The following FOXM1 variants were observed in gnomAD, a reference collection of about 807,000 sequenced individuals.
FOXM1 encodes forkhead box M1.
Under a neutral mutation model 63.6 loss-of-function variants are expected in FOXM1, and 25 were observed. That is an observed-to-expected ratio of 0.39 (90% CI 0.29 to 0.55). The LOEUF (loss-of-function observed/expected upper bound fraction) is 0.55, where lower values mean the gene tolerates loss of function less well. FOXM1 is among the 20% of genes least tolerant of loss of function. The pLI, the probability that FOXM1 is intolerant of heterozygous loss-of-function variation, is 0.60. For synonymous variants in FOXM1, 387 were observed against 376.9 expected, an observed-to-expected ratio of 1.03 and a Z score of -0.31; for missense variants, 879 against 958.7, an observed-to-expected ratio of 0.92 and a Z score of 1.10.
chr12:2,864,296 T>C lies in FOXM1; in HGVS notation c.1266+24A>G. On this transcript the variant is annotated intron_variant, in intron 8 of 8. Transcript: ENST00000359843. The surrounding 1 kb of genome is among the most constrained non-coding windows in gnomAD (Gnocchi z 5.1). ...CATTCTTAATTGGCCAGAATCTCTC[T>C]TCAGAGGAAAATAGGACACCCACCT... The C allele has an allele frequency of 6.3e-7, 1 of 1,593,112 alleles. No individual in the cohort carries two copies. Among genetic ancestry groups the C allele is most frequent in the South Asian group, 1.1e-5 (1 of 89,536 alleles).
At chr12:2,865,644 T>TA (rs1565470221) in intron 5 of FOXM1, among the ~76,000 whole-genome samples, 3 of 976 alleles carry the variant, frequency 3.1e-3, no homozygotes, top group African/African-American at 0.015. Context: ...TAAGGCAGGC[T>TA]TTTTTTTTTT....
chr12:2,865,621 C>T (rs2098121726), intron 5 of FOXM1, among the ~76,000 whole-genome samples: 1 of 140,028 alleles, frequency 7.1e-6, no homozygotes, highest in African/African-American at 2.6e-5. Flanking sequence ...AGCTCAGCTT[C>T]TGGTCTCCAG....
chr12:2,868,823 A>C, intron 3 of FOXM1, 69 bp from the exon 4 acceptor site: 1 of 1,254,784 alleles, frequency 8.0e-7, no homozygotes, highest in South Asian at 1.4e-5. Context: ...AAGCCCTTGA[A>C]GAACATCTAG....
chr12:2,872,119 G>C lies in FOXM1; in HGVS notation c.631C>G (p.His211Asp), dbSNP rs779000560. Residue 211 changes from histidine to aspartate, a missense_variant, in exon 3 of 9, where the codon CAC becomes GAC. Physicochemically the swap from His to Asp is moderately conservative, Grantham distance 81 (BLOSUM62 -1). Coordinates refer to ENST00000359843, the MANE Select transcript of FOXM1 (RefSeq NM_021953.4). This position sits in a 1 kb window ranked among gnomAD's most constrained non-coding sequence, Gnocchi z 4.0. ...KQEMEEKENC[H>D]LEQRQVKVEE... ...ACCTTAACCTGTCGCTGCTCCAGGT[G>C]ACAATTCTCCTTTTCCTCCATCTCT... 4 of 1,614,230 alleles carry C rather than the reference G, an allele frequency of 2.5e-6. No individual in the cohort carries two copies. The Admixed American group carries it at 6.7e-5, about 27-fold the overall frequency.
chr12:2,868,032 A>G (rs2098126725), intron 4 of FOXM1, among the ~76,000 whole-genome samples: 1 of 151,636 alleles, frequency 6.6e-6, no homozygotes. Flanking sequence ...AACAAAGCAC[A>G]CTTGACTTGG....
chr12:2,870,743 G>A (rs536184669), intron 3 of FOXM1, among the ~76,000 whole-genome samples: 10 of 150,966 alleles, frequency 6.6e-5, no homozygotes, highest in African/African-American at 2.2e-4. Context: ...GGTGGATCAC[G>A]AGGTCAGGAG....
intron 5 of FOXM1, 21 bp downstream of exon 5, chr12:2,866,372 A>G: frequency 7.0e-7 from 1 of 1,435,416 alleles, no homozygotes; most frequent in African/African-American, 1.5e-5. Flanking sequence ...GGCCCTATTT[A>G]GAGGAAAGCA....
chr12:2,861,393 AC>A, intron 8 of FOXM1: 2 of 666,726 alleles, frequency 3.0e-6, no homozygotes, highest in Non-Finnish European at 5.4e-6. Context: ...GTAACCAAAC[AC>A]CACCTGTTCC....
intron 5 of FOXM1, 39 bp from the exon 6 acceptor site, chr12:2,865,438 A>G (rs1395617580): frequency 5.1e-6 from 8 of 1,569,602 alleles, no homozygotes; most frequent in Non-Finnish European, 7.0e-6. Flanking sequence ...AAATGAGATG[A>G]AGTTACCACC....
chr12:2,871,672 C>T (rs2098133540), intron 3 of FOXM1, among the ~76,000 whole-genome samples: 1 of 151,728 alleles, frequency 6.6e-6, no homozygotes, highest in Admixed American at 6.6e-5. Flanking sequence ...AATATATATA[C>T]GTGTATATAT....
At position 2,872,275 on chromosome 12, in the gene FOXM1, C is replaced by A. The variant is rs2098134473; in HGVS notation, c.503-28G>T. ...AGAGGGAAAATAATCCAACACCCCA[C>A]TTAGCTGCCTCATCAGATGCCCAGG... On this transcript the variant is annotated intron_variant, in intron 2 of 8. Coordinates refer to ENST00000359843, the MANE Select transcript of FOXM1 (RefSeq NM_021953.4). This position sits in a 1 kb window ranked among gnomAD's most constrained non-coding sequence, Gnocchi z 4.0. The A allele has an allele frequency of 6.2e-7, 1 of 1,612,304 alleles. No homozygotes were observed.
rs2098105265 is a variant in FOXM1, at chr12:2,859,625, A to T, written c.1305T>A (p.Ser435=). Residue 435 remains serine (S), a synonymous_variant, in exon 9 of 9, where the codon TCT becomes TCA. Coordinates refer to ENST00000359843, the MANE Select transcript of FOXM1 (RefSeq NM_021953.4). ...LAEEGIAPLS[S]AGPGKEEKLL... ...GTTTCTCCTCTTTCCCTGGTCCTGC[A>T]GAAGAAAGAGGAGCTATCCCCTCCT... 1.2e-6 allele frequency: 2 copies of T among 1,612,006 alleles called. No individual in the cohort carries two copies. The highest frequency in any genetic ancestry group is 1.7e-6 in the Non-Finnish European group (2 of 1,179,544).
Position 2,865,243 on chromosome 12 carries a change from A to G in FOXM1, c.1020+112T>C. The G allele has an allele frequency of 3.1e-6, 3 of 974,126 alleles. No homozygotes were observed. The Admixed American group carries it at 6.9e-5, about 22-fold the overall frequency. The allele number at this position is 974,126 out of a possible 1,614,324, so 60.3% of individuals were successfully genotyped here. On this transcript the variant is annotated intron_variant, in intron 6 of 8. Transcript: ENST00000359843. ...TCTAGGGCTGGCACCTAGACAAAAC[A>G]TGGCCATAGGGACCCTTCCCCACAT...
intron 3 of FOXM1, among the ~76,000 whole-genome samples, chr12:2,870,034 A>T (rs1280878951): frequency 1.4e-5 from 2 of 146,440 alleles, no homozygotes; most frequent in African/African-American, 5.1e-5. Flanking sequence ...TTTGTTGCCC[A>T]GGTTGGAGTG....
At chr12:2,870,434 G>A (rs2098131085) in intron 3 of FOXM1, among the ~76,000 whole-genome samples, 1 of 152,208 alleles carries the variant, frequency 6.6e-6, no homozygotes. Flanking sequence ...GGAGGCTGAG[G>A]CGGGTGGATG....
intron 8 of FOXM1, chr12:2,863,603 C>T (rs529786525): frequency 2.6e-4 from 39 of 152,342 alleles, no homozygotes; most frequent in African/African-American, 8.7e-4. Flanking sequence ...CTATGTTGCC[C>T]AGGCTGGTCT....
chr12:2,874,755 G>A lies in FOXM1; in HGVS notation c.-47-230C>T, dbSNP rs901814745. Among the ~76,000 whole-genome samples, 1 of 152,102 alleles carries A rather than the reference G, an allele frequency of 6.6e-6. No individual in the cohort carries two copies. Among genetic ancestry groups the A allele is most frequent in the Admixed American group, 6.6e-5 (1 of 15,252 alleles). ...CAATTCAAAGGGCAAAAATGGGACT[G>A]GGTTGGAGATAAGACAAAGATCTCC... On this transcript the variant is annotated intron_variant, in intron 1 of 8. Coordinates refer to ENST00000359843, the MANE Select transcript of FOXM1 (RefSeq NM_021953.4). This position sits in a 1 kb window ranked among gnomAD's most constrained non-coding sequence, Gnocchi z 4.3.
Position 2,858,669 on chromosome 12 carries a change from T to C in FOXM1, c.2261A>G (p.Asn754Ser), listed in dbSNP as rs766229966. The change falls in exon 9 of 9, where the codon AAC becomes AGC. Residue 754 changes from asparagine to serine, a missense_variant. Coordinates refer to ENST00000359843, the MANE Select transcript of FOXM1 (RefSeq NM_021953.4). ...DEDPLGPDNI[N>S]WSQFIPELQ ...TAGCTCAGGAATAAACTGGGACCAG[T>C]TGATGTTGTCAGGGCCCAGTGGGTC... The C allele has an allele frequency of 2.5e-5, 41 of 1,613,850 alleles. No individual in the cohort carries two copies. Among genetic ancestry groups the C allele is most frequent in the Non-Finnish European group, 3.1e-5 (37 of 1,179,974 alleles).
Position 2,859,416 on chromosome 12 carries a change from G to A in FOXM1, c.1514C>T (p.Ser505Leu), listed in dbSNP as rs149215740. ...GGGTCTTGGGGTGGGAGATTGGGAC[G>A]AATCCTCCCAGGAGTGAGATGATTC... ...KEESSHSWED[S>L]SQSPTPRPKK... is the part of the protein sequence containing the mutation. Residue 505 changes from serine (S) to leucine (L), a missense_variant, in exon 9 of 9, where the codon TCG becomes TTG. Ser to Leu is a moderately radical substitution (Grantham distance 145). Coordinates refer to ENST00000359843, the MANE Select transcript of FOXM1 (RefSeq NM_021953.4). 3.2e-4 allele frequency: 524 copies of A among 1,613,968 alleles called. No homozygotes were observed. In the African/African-American group the frequency reaches 4.9e-3, roughly 15 times the overall value.
Sources: gnomAD v4.1 joint callset for allele counts (sites outside exome capture counted in the v4.1 genomes callset) on GRCh38, gnomAD v4.1.1 for gene constraint, Gnocchi (gnomAD v3.1) non-coding constraint, MANE v1.5 for transcripts, NCBI Gene and HGNC (gene_info 2026-07-23, HGNC 2026-07-21) for gene names.